The following SV2C variants were observed in gnomAD, a reference collection of about 807,000 sequenced individuals.
SV2C encodes solute carrier family 22 member B3.
A neutral mutation model predicts 79.7 loss-of-function variants in SV2C; 49 were observed. That is an observed-to-expected ratio of 0.61 (90% confidence interval 0.49 to 0.78). The LOEUF (loss-of-function observed/expected upper bound fraction) is 0.78, where lower values mean the gene tolerates loss of function less well. Among genes scored for constraint, SV2C ranks in the 30% least tolerant of loss-of-function variants. The pLI is 0.00. For missense variants in SV2C, 833 were observed against 912.9 expected, an observed-to-expected ratio of 0.91 and a Z score of 1.13; for synonymous variants, 334 against 333.2, an observed-to-expected ratio of 1.00 and a Z score of -0.03.
At chr5:76,143,241 GA>G (rs1028648957) in intron 2 of SV2C, among the ~76,000 whole-genome samples, 1 of 152,010 alleles carries the variant, frequency 6.6e-6, no homozygotes, top group African/African-American at 2.4e-5. Context: ...TGATGATGAT[GA>G]AAAGGCATTA....
intron 1 of SV2C, chr5:76,084,233 T>G (rs932114995): frequency 5.3e-5 from 8 of 152,146 alleles, no homozygotes; most frequent in African/African-American, 1.7e-4. Context: ...GCGCCTGCTG[T>G]GCGCCAGGCC....
chr5:76,119,800 T>C (rs915874494), intron 1 of SV2C, among the ~76,000 whole-genome samples: 1 of 152,212 alleles, frequency 6.6e-6, no homozygotes, highest in Non-Finnish European at 1.5e-5. Flanking sequence ...AACATTCCTA[T>C]TGAAGAGCTG....
At chr5:76,288,922 C>G (rs1442139199) in intron 6 of SV2C, among the ~76,000 whole-genome samples, 1 of 151,656 alleles carries the variant, frequency 6.6e-6, no homozygotes, top group Non-Finnish European at 1.5e-5. Flanking sequence ...TTCTGTTGCC[C>G]AGGCTGGAGT....
the SV2C span, among the ~76,000 whole-genome samples, chr5:76,046,167 G>A: frequency 6.6e-6 from 1 of 152,096 alleles, no homozygotes; most frequent in Non-Finnish European, 1.5e-5. Context: ...CTATTCACAG[G>A]CACTCTTGAT....
the SV2C span, among the ~76,000 whole-genome samples, chr5:76,004,815 G>T: frequency 1.3e-5 from 2 of 152,116 alleles, no homozygotes; most frequent in African/African-American, 2.4e-5. Flanking sequence ...ATTGCCCAAG[G>T]TCATATAACC....
chr5:76,217,155 A>G (rs1193157605), intron 4 of SV2C, among the ~76,000 whole-genome samples: 1 of 152,140 alleles, frequency 6.6e-6, no homozygotes, highest in East Asian at 1.9e-4. Context: ...TGCACTGCAG[A>G]TGTTATAGGG....
At chr5:75,932,467 C>G in the SV2C span, among the ~76,000 whole-genome samples, 1 of 152,154 alleles carries the variant, frequency 6.6e-6, no homozygotes, top group Admixed American at 6.5e-5. Flanking sequence ...CGGGGGCTAA[C>G]AGCCTTCAGA....
chr5:75,993,972 A>G, the SV2C span, among the ~76,000 whole-genome samples: 1 of 152,094 alleles, frequency 6.6e-6, no homozygotes, highest in South Asian at 2.1e-4. Context: ...ACAAGAGAAC[A>G]AAAGAAATAC....
intron 1 of SV2C, among the ~76,000 whole-genome samples, chr5:76,092,683 G>A (rs1368601702): frequency 6.6e-6 from 1 of 152,142 alleles, no homozygotes; most frequent in Non-Finnish European, 1.5e-5. Context: ...ACTCGACTGT[G>A]TATTTGACGG....
chr5:76,281,445 A>G (rs1042619771), intron 4 of SV2C, among the ~76,000 whole-genome samples: 7 of 151,930 alleles, frequency 4.6e-5, no homozygotes, highest in African/African-American at 1.7e-4. Flanking sequence ...AGAGAATGCT[A>G]CGGTTCTCCA....
chr5:76,005,480 GT>G, the SV2C span, among the ~76,000 whole-genome samples: 2 of 152,192 alleles, frequency 1.3e-5, no homozygotes, highest in Non-Finnish European at 2.9e-5. Context: ...CCTGAACAAT[GT>G]TTTCTTTTGG....
chr5:76,084,126 G>C (rs1402985574), intron 1 of SV2C: 1 of 152,356 alleles, frequency 6.6e-6, no homozygotes, highest in African/African-American at 2.4e-5. Context: ...GAGAGCAAGA[G>C]AGGGCTGGAG....
rs10550410 is a variant in SV2C, at chr5:76,136,529, G to GT, written c.580+4210dup. Among the ~76,000 whole-genome samples the GT allele has an allele frequency of 4.8e-3, 710 of 147,724 alleles. 7 individuals carry two copies. Among genetic ancestry groups the GT allele is most frequent in the African/African-American group, 0.015 (591 of 40,472 alleles). On this transcript the variant is annotated intron_variant, in intron 2 of 12. Coordinates refer to ENST00000502798, the MANE Select transcript of SV2C (RefSeq NM_014979.4). The stretch of plus-strand genomic sequence containing the variant: ...CTTGTGATAAATTTTAGTGCTTTAT[G>GT]TTTTTTTTTTTCTGTGACAAAGATA...
the SV2C span, among the ~76,000 whole-genome samples, chr5:76,005,767 G>A: frequency 6.6e-6 from 1 of 152,200 alleles, no homozygotes; most frequent in Non-Finnish European, 1.5e-5. Flanking sequence ...AATGCAGAAT[G>A]GAGGGAAAAT....
At chr5:76,008,049 C>T in the SV2C span, among the ~76,000 whole-genome samples, 21 of 152,244 alleles carry the variant, frequency 1.4e-4, no homozygotes, top group South Asian at 4.4e-3. Flanking sequence ...TGTAGGCAAG[C>T]TACTAGATTC....
At chr5:75,882,834 A>T in the SV2C span, among the ~76,000 whole-genome samples, 1 of 152,184 alleles carries the variant, frequency 6.6e-6, no homozygotes, top group Non-Finnish European at 1.5e-5. Context: ...GCCAAAATTG[A>T]CAAATGGGAT....
At chr5:76,249,438 A>G (rs140704078) in intron 4 of SV2C, among the ~76,000 whole-genome samples, 1 of 152,340 alleles carries the variant, frequency 6.6e-6, no homozygotes, top group Non-Finnish European at 1.5e-5. Flanking sequence ...TAAATTGGAA[A>G]GATGCATGAT....
the SV2C span, among the ~76,000 whole-genome samples, chr5:76,058,875 T>A: frequency 6.6e-6 from 1 of 152,254 alleles, no homozygotes; most frequent in South Asian, 2.1e-4. Flanking sequence ...CTATGATCTT[T>A]CGCATTTATT....
At chr5:75,925,437 G>C in the SV2C span, among the ~76,000 whole-genome samples, 1 of 152,240 alleles carries the variant, frequency 6.6e-6, no homozygotes, top group Middle Eastern at 3.4e-3. Flanking sequence ...TAATGGAACG[G>C]GCCAGTACCA....
Sources: allele counts gnomAD v4.1 joint callset (sites outside exome capture counted in the v4.1 genomes callset), GRCh38; gene constraint gnomAD v4.1.1; transcripts MANE v1.5; gene names NCBI Gene and HGNC (gene_info 2026-07-23, HGNC 2026-07-21).